PLD5: variants seen among roughly 807,000 people sequenced by gnomAD.
PLD5 encodes the protein phospholipase D family member 5, also known as inactive phospholipase D5.
A neutral mutation model predicts 61.1 loss-of-function variants in PLD5; 36 were observed. The ratio of observed to expected loss-of-function variants is 0.59; its 90% CI spans 0.45 to 0.78. The LOEUF is 0.78. PLD5 is among the 30% of genes least tolerant of loss of function. The pLI is 0.00. For synonymous variants in PLD5, 243 were observed against 242.8 expected (o/e 1.00, Z -0.01); for missense variants, 515 against 644.4 (o/e 0.80, Z 2.17).
In PLD5 at chr1:242,344,525, G is replaced by C. The variant is rs56256325; in HGVS notation, c.326+3581C>G. The stretch of plus-strand genomic sequence containing the variant: ...AGGAAAAGGAAGTAGGTTGTGAATA[G>C]AGAAGAGGAATTTCTAGACTCTTTG... On this transcript the variant is annotated intron_variant, in intron 2 of 9. Coordinates refer to ENST00000536534, the MANE Select transcript of PLD5 (RefSeq NM_001372062.1). Among the ~76,000 whole-genome samples the C allele has an allele frequency of 3.9e-3, 592 of 152,306 alleles. 4 individuals carry two copies. The highest frequency in any genetic ancestry group is 0.014 in the African/African-American group (565 of 41,558).
intron 4 of PLD5, among the ~76,000 whole-genome samples, chr1:242,257,778 A>AC (rs1392947982): frequency 6.6e-6 from 1 of 150,588 alleles, no homozygotes; most frequent in Non-Finnish European, 1.5e-5. Flanking sequence ...TAAAAGATTT[A>AC]TTTTTTTTTT....
At position 242,089,056 on chromosome 1, in the gene PLD5, G is replaced by A. The variant is rs980842866; in HGVS notation, c.*798C>T. On this transcript the variant is annotated 3_prime_UTR_variant, in exon 10 of 10. Transcript: ENST00000536534. Reference sequence around the variant, plus strand: ...CTACATAATTTTTCTGAGCTTGAGAGAAAGGATACATATTGCTGACTGTGA... The same window carrying A: ...CTACATAATTTTTCTGAGCTTGAGAAAAAGGATACATATTGCTGACTGTGA... The A allele has an allele frequency of 2.9e-6, 1 of 343,368 alleles. No homozygotes were observed. The highest frequency in any genetic ancestry group is 5.2e-6 in the Non-Finnish European group (1 of 192,004). 21.3% of individuals were successfully genotyped at this position (343,368 alleles called of 1,614,324 possible). A position where few individuals can be genotyped will look rare whatever the true frequency, so the allele number is the denominator to read the frequency against.
chr1:242,394,898 T>TTATATATGATG (rs1553366817), intron 1 of PLD5, among the ~76,000 whole-genome samples: 1 of 102,614 alleles, frequency 9.7e-6, no homozygotes, highest in Admixed American at 1.3e-4. Context: ...ATATATATGA[T>TTATATATGATG]TATATATGAA....
intron 2 of PLD5, among the ~76,000 whole-genome samples, chr1:242,319,582 C>T (rs1000209922): frequency 1.3e-5 from 2 of 152,170 alleles, no homozygotes; most frequent in African/African-American, 4.8e-5. Context: ...ACCTCCCTCA[C>T]AATTTTCCCA....
chr1:242,167,527 G>A (rs898483651), intron 5 of PLD5, among the ~76,000 whole-genome samples: 2 of 152,060 alleles, frequency 1.3e-5, no homozygotes, highest in Non-Finnish European at 1.5e-5. Context: ...GGGGATTATG[G>A]GAGCTACAAT....
At chr1:242,486,228 A>G (rs541633471) in intron 1 of PLD5, among the ~76,000 whole-genome samples, 4,754 of 152,228 alleles carry the variant, frequency 0.031, 239 homozygotes, top group African/African-American at 0.11. Context: ...ATCTAATTAA[A>G]CTAAAGAGCT....
At chr1:242,220,927 G>A (rs1670550553) in intron 4 of PLD5, among the ~76,000 whole-genome samples, 1 of 151,810 alleles carries the variant, frequency 6.6e-6, no homozygotes, top group Non-Finnish European at 1.5e-5. Context: ...AGTAGAGAGG[G>A]GTTTTTACTA....
In PLD5 at chr1:242,394,119, T is replaced by G; in HGVS notation, c.190-45877A>C. Among the ~76,000 whole-genome samples the G allele has an allele frequency of 1.4e-5, 2 of 142,292 alleles. 1 individual carries two copies. 93.3% of individuals were successfully genotyped at this position (142,292 alleles called of 152,430 possible). ...ATATATGTGTATATATATGAGTATA[T>G]ATATGTGTATATATATGAGTATATA... On this transcript the variant is annotated intron_variant, in intron 1 of 9. Transcript: ENST00000536534.
chr1:242,515,591 A>G (rs1669079328), intron 1 of PLD5, among the ~76,000 whole-genome samples: 1 of 152,238 alleles, frequency 6.6e-6, no homozygotes, highest in Non-Finnish European at 1.5e-5. Context: ...TGCCTGAAAG[A>G]GTCATTCACA....
At chr1:242,288,566 C>T in intron 2 of PLD5, 36 bp from the exon 3 acceptor site, 1 of 1,583,506 alleles carries the variant, frequency 6.3e-7, no homozygotes, top group South Asian at 1.2e-5. Context: ...CAAACAAAAT[C>T]TAGTCAAATT....
chr1:242,177,421 A>G (rs915959276), intron 5 of PLD5, among the ~76,000 whole-genome samples: 5 of 152,216 alleles, frequency 3.3e-5, no homozygotes, highest in African/African-American at 1.2e-4. Flanking sequence ...GTTGGGTGGT[A>G]GGGGGCTATG....
intron 4 of PLD5, among the ~76,000 whole-genome samples, chr1:242,242,278 G>C (rs991280365): frequency 1.3e-5 from 2 of 151,902 alleles, no homozygotes; most frequent in Non-Finnish European, 2.9e-5. Flanking sequence ...ATACACCTGC[G>C]CCTGCAATCC....
Position 242,368,458 on chromosome 1 carries a change from C to T in PLD5, c.190-20216G>A, listed in dbSNP as rs1195774138. Reference sequence around the variant, plus strand: ...GCAAAAGAAAGAAAATAGCTCTCTGCTACAGAGAGGGGTCCCAGAAAAATG... The same window carrying T: ...GCAAAAGAAAGAAAATAGCTCTCTGTTACAGAGAGGGGTCCCAGAAAAATG... On this transcript the variant is annotated intron_variant, in intron 1 of 9. Coordinates refer to ENST00000536534, the MANE Select transcript of PLD5 (RefSeq NM_001372062.1). Among the ~76,000 whole-genome samples, 3 of 152,128 alleles carry T rather than the reference C, an allele frequency of 2.0e-5. No homozygotes were observed. The East Asian group carries it at 5.8e-4, about 29-fold the overall frequency.
intron 5 of PLD5, among the ~76,000 whole-genome samples, chr1:242,168,846 G>GTTTTTTC (rs755405843): frequency 9.0e-6 from 1 of 111,266 alleles, no homozygotes; most frequent in Non-Finnish European, 1.7e-5. Context: ...AATTAATGAA[G>GTTTTTTC]TTTTTTTTTT....
At chr1:242,194,634 C>CTATCTATCTATG (rs1668512797) in intron 5 of PLD5, among the ~76,000 whole-genome samples, 1 of 110,436 alleles carries the variant, frequency 9.1e-6, no homozygotes, top group African/African-American at 3.8e-5. Context: ...ATCTATCTAT[C>CTATCTATCTATG]TATCTATCTA....
intron 2 of PLD5, among the ~76,000 whole-genome samples, chr1:242,314,493 A>G (rs1227615766): frequency 1.3e-5 from 2 of 152,206 alleles, no homozygotes; most frequent in Non-Finnish European, 2.9e-5. Flanking sequence ...AACTTGCCCA[A>G]GTGTCCTCTA....
Position 242,113,895 on chromosome 1 carries a change from G to T in PLD5, c.1065C>A (p.Thr355=), listed in dbSNP as rs1661739312. 3.1e-6 allele frequency: 5 copies of T among 1,612,900 alleles called. No homozygotes were observed. Among genetic ancestry groups the T allele is most frequent in the Non-Finnish European group, 4.2e-6 (5 of 1,179,538 alleles). Residue 355 remains threonine, a synonymous_variant, in exon 7 of 10, where the codon ACC becomes ACA. Transcript: ENST00000536534. ...MDYLPISSTS[T]KRTYWPDLDA... ...GAGGCTGGGCATTCACTGACCTTTT[G>T]GTGCTTGTGCTGGAGATAGGCAGGT...
At chr1:242,102,865 C>T (rs1353184454) in intron 8 of PLD5, among the ~76,000 whole-genome samples, 1 of 151,984 alleles carries the variant, frequency 6.6e-6, no homozygotes, top group Non-Finnish European at 1.5e-5. Flanking sequence ...AAAAAGTGAC[C>T]ATCTATGATC....
At chr1:242,445,071 A>G (rs1666466898) in intron 1 of PLD5, among the ~76,000 whole-genome samples, 1 of 152,070 alleles carries the variant, frequency 6.6e-6, no homozygotes, top group Non-Finnish European at 1.5e-5. Context: ...CCACCTCCCA[A>G]ACTCATTTGT....
Sources: allele counts gnomAD v4.1 joint callset (sites outside exome capture counted in the v4.1 genomes callset), GRCh38; gene constraint gnomAD v4.1.1; transcripts MANE v1.5; gene names NCBI Gene and HGNC (gene_info 2026-07-23, HGNC 2026-07-21).